The following GTF3C1 variants were observed in gnomAD, a reference collection of about 807,000 sequenced individuals.
The protein encoded by GTF3C1 is general transcription factor 3C polypeptide 1.
GTF3C1 carries 57 observed loss-of-function variants against 226.7 expected under a neutral mutation model. The observed-to-expected ratio is 0.25, with a 90% CI of 0.20 to 0.31. The LOEUF (loss-of-function observed/expected upper bound fraction) is 0.31. Ranked by LOEUF, GTF3C1 falls within the 10% of genes least tolerant of loss-of-function variation. The pLI, the probability that GTF3C1 is intolerant of heterozygous loss-of-function variation, is 1.00. For synonymous variants in GTF3C1, 1,090 were observed against 1,084.8 expected, an observed-to-expected ratio of 1.00 and a Z score of -0.09; for missense variants, 2,217 against 2,776.1, an observed-to-expected ratio of 0.80 and a Z score of 4.53.
chr16:27,488,691 G>A (rs375332345), intron 21 of GTF3C1, 56 bp from the exon 22 acceptor site: 230 of 1,415,140 alleles, frequency 1.6e-4, no homozygotes, highest in Non-Finnish European at 2.0e-4. Context: ...ATCCCCAGCC[G>A]CCCAGAGTAA....
chr16:27,514,899 G>A (rs1038451297), intron 6 of GTF3C1, among the ~76,000 whole-genome samples: 1 of 152,198 alleles, frequency 6.6e-6, no homozygotes, highest in Non-Finnish European at 1.5e-5. Flanking sequence ...GAAGAGCGGC[G>A]CGGCGCCAGG....
chr16:27,492,276 C>T lies in GTF3C1; in HGVS notation c.3151+62G>A, dbSNP rs1018427780. 3.2e-5 allele frequency: 31 copies of T among 978,124 alleles called. 1 individual carries two copies. Among genetic ancestry groups the T allele is most frequent in the Non-Finnish European group, 4.9e-5 (31 of 635,052 alleles). The allele number at this position is 978,124 out of a possible 1,614,324, so 60.6% of individuals were successfully genotyped here. ...CTCCTAGGCTTTTCTAGCCCTAAAT[C>T]CCAGTTAGCACACAGAAAGGAGCAA... On this transcript the variant is annotated intron_variant, in intron 19 of 36. Coordinates refer to ENST00000356183, the MANE Select transcript of GTF3C1 (RefSeq NM_001520.4). This position sits in a 1 kb window ranked among gnomAD's most constrained non-coding sequence, Gnocchi z 5.0.
In GTF3C1 at chr16:27,516,702, C is replaced by T. The variant is rs536698247; in HGVS notation, c.974-4801G>A. Among the ~76,000 whole-genome samples the T allele has an allele frequency of 3.3e-5, 5 of 152,326 alleles. No individual in the cohort carries two copies. In the South Asian group the frequency reaches 1.0e-3, roughly 32 times the overall value. ...TGTCGTCCAGCCTGGAGTGTAGCAG[C>T]ACAATCACTGCAGCCTCGAACTCCA... On this transcript the variant is annotated intron_variant, in intron 6 of 36. Coordinates refer to ENST00000356183, the MANE Select transcript of GTF3C1 (RefSeq NM_001520.4).
chr16:27,507,139 T>G lies in GTF3C1; in HGVS notation c.1260A>C (p.Glu420Asp), dbSNP rs760846112. Residue 420 changes from glutamate to aspartate, a missense_variant, in exon 9 of 37, where the codon GAA becomes GAC. Glu to Asp is a conservative substitution (Grantham distance 45, BLOSUM62 2). Coordinates refer to ENST00000356183, the MANE Select transcript of GTF3C1 (RefSeq NM_001520.4). This position sits in a 1 kb window ranked among gnomAD's most constrained non-coding sequence, Gnocchi z 4.9. ...TGTACTTGGTGGTTCGCTGCCGACC[T>G]TCGTCTTCCATGAATCCCTAGAGGG... ...FKVVKGFMED[E>D]GRQRTTKYIS... is the part of the protein sequence containing the mutation. 1.9e-6 allele frequency: 3 copies of G among 1,606,824 alleles called. No individual in the cohort carries two copies. Among genetic ancestry groups the G allele is most frequent in the Non-Finnish European group, 2.6e-6 (3 of 1,175,434 alleles).
At position 27,469,407 on chromosome 16, in the gene GTF3C1, G is replaced by C; in HGVS notation, c.4958C>G (p.Ser1653Cys). The change falls in exon 32 of 37, where the codon TCC becomes TGC. Residue 1653 changes from serine to cysteine, a missense_variant. Transcript: ENST00000356183. The surrounding 1 kb of genome is among the most constrained non-coding windows in gnomAD (Gnocchi z 4.5). ...TNYLLMRGYYSPGIVSTRNLN... is the reference protein window; with the variant it reads ...TNYLLMRGYYCPGIVSTRNLN... ...GTTGCGGGTGCTGACGATGCCGGGG[G>C]AGTAGTAGCCCCTCATCAGCAGGTA... 6.2e-7 allele frequency: 1 copy of C among 1,614,034 alleles called. No individual in the cohort carries two copies. Among genetic ancestry groups the C allele is most frequent in the East Asian group, 2.2e-5 (1 of 44,890 alleles).
chr16:27,472,069 A>G, intron 29 of GTF3C1, 149 bp from the exon 30 acceptor site: 1 of 652,698 alleles, frequency 1.5e-6, no homozygotes, highest in South Asian at 1.8e-5. Context: ...TGTGTCAGTG[A>G]GTGTGTGTGT....
chr16:27,527,896 C>T (rs1032596435), intron 6 of GTF3C1, among the ~76,000 whole-genome samples: 3 of 151,766 alleles, frequency 2.0e-5, no homozygotes, highest in African/African-American at 4.8e-5. Flanking sequence ...ATCGTTTGAG[C>T]CCAGGAAGTG....
intron 29 of GTF3C1, among the ~76,000 whole-genome samples, chr16:27,474,255 C>T (rs1040272371): frequency 6.6e-6 from 1 of 152,176 alleles, no homozygotes; most frequent in Non-Finnish European, 1.5e-5. Context: ...AGGTGACTTT[C>T]CATGCCCCTG....
chr16:27,484,263 C>G lies in GTF3C1; in HGVS notation c.3949G>C (p.Gly1317Arg). The change falls in exon 25 of 37, where the codon GGA (glycine) becomes CGA (arginine). Residue 1317 changes from glycine to arginine, a missense_variant. Around this residue, in one of 12 missense-constraint regions of GTF3C1, gnomAD observed 546 missense variants for 663.0 expected, o/e 0.82. Transcript: ENST00000356183. ...TTGACTATGTAGCGAGCTCTTCGTC[C>G]AACGGAATGAGATGTTTTATCCAAA... ...ESLDKTSHSVGRRARYIVKNP... is the reference protein window; with the variant it reads ...ESLDKTSHSVRRRARYIVKNP... 1 of 1,608,162 alleles carries G rather than the reference C, an allele frequency of 6.2e-7. No homozygotes were observed. Among genetic ancestry groups the G allele is most frequent in the South Asian group, 1.1e-5 (1 of 90,942 alleles).
Position 27,549,623 on chromosome 16 carries a change from G to A in GTF3C1, c.221+47C>T, listed in dbSNP as rs1281968010. The A allele has an allele frequency of 1.8e-5, 15 of 838,128 alleles. No homozygotes were observed. The Admixed American group carries it at 3.3e-4, about 19-fold the overall frequency. The allele number at this position is 838,128 out of a possible 1,614,324, so 51.9% of individuals were successfully genotyped here. On this transcript the variant is annotated intron_variant, in intron 1 of 36. Coordinates refer to ENST00000356183, the MANE Select transcript of GTF3C1 (RefSeq NM_001520.4). ...CTGCCCCCAGCTCCATCAGCCCCCGGGCCCTGCGCCCGCCCGCCCGCCCGC... is the reference window on the plus strand; with the variant it reads ...CTGCCCCCAGCTCCATCAGCCCCCGAGCCCTGCGCCCGCCCGCCCGCCCGC...
At position 27,470,439 on chromosome 16, in the gene GTF3C1, T is replaced by C. The variant is rs1164746546; in HGVS notation, c.4527-44A>G. The stretch of plus-strand genomic sequence containing the variant: ...GAAGGGCCTGACTGAGGGCCAGCTG[T>C]GGGAAGCCTTCATTTGGATGGACTA... On this transcript the variant is annotated intron_variant, in intron 30 of 36. Coordinates refer to ENST00000356183, the MANE Select transcript of GTF3C1 (RefSeq NM_001520.4). This position sits in a 1 kb window ranked among gnomAD's most constrained non-coding sequence, Gnocchi z 4.9. 7.2e-6 allele frequency: 11 copies of C among 1,525,856 alleles called. No individual in the cohort carries two copies. The highest frequency in any genetic ancestry group is 9.9e-6 in the Non-Finnish European group (11 of 1,110,896). 94.5% of individuals were successfully genotyped at this position (1,525,856 alleles called of 1,614,324 possible).
intron 6 of GTF3C1, among the ~76,000 whole-genome samples, chr16:27,521,962 A>G (rs911528407): frequency 6.6e-6 from 1 of 151,884 alleles, no homozygotes; most frequent in Admixed American, 6.6e-5. Flanking sequence ...ATCATTCTTC[A>G]TATGGTTCAT....
intron 2 of GTF3C1, among the ~76,000 whole-genome samples, chr16:27,538,672 C>T (rs1384786682): frequency 3.3e-5 from 5 of 152,212 alleles, no homozygotes; most frequent in Non-Finnish European, 7.3e-5. Context: ...AAGCTCTCCA[C>T]GGCCCATCCC....
chr16:27,531,660 C>G (rs1228400347), intron 5 of GTF3C1, among the ~76,000 whole-genome samples: 1 of 152,196 alleles, frequency 6.6e-6, no homozygotes, highest in Non-Finnish European at 1.5e-5. Flanking sequence ...AAAGGCTGTC[C>G]AGTAACAGTC....
At chr16:27,509,354 C>T (rs1422015359) in intron 7 of GTF3C1, among the ~76,000 whole-genome samples, 1 of 152,136 alleles carries the variant, frequency 6.6e-6, no homozygotes, top group East Asian at 1.9e-4. Context: ...GAACTAAGAA[C>T]TCCAGGAAGG....
chr16:27,470,738 T>C lies in GTF3C1; in HGVS notation c.4527-343A>G. Reference sequence around the variant, plus strand: ...AACTAGGGATGGTGAACACGCTTTCTGTAATAATAGTCTCCGCACAAAGCC... The same window carrying C: ...AACTAGGGATGGTGAACACGCTTTCCGTAATAATAGTCTCCGCACAAAGCC... On this transcript the variant is annotated intron_variant, in intron 30 of 36. Coordinates refer to ENST00000356183, the MANE Select transcript of GTF3C1 (RefSeq NM_001520.4). This position sits in a 1 kb window ranked among gnomAD's most constrained non-coding sequence, Gnocchi z 4.9. The C allele has an allele frequency of 3.3e-6, 1 of 299,162 alleles. No individual in the cohort carries two copies. Among genetic ancestry groups the C allele is most frequent in the Non-Finnish European group, 6.3e-6 (1 of 157,904 alleles). The allele number at this position is 299,162 out of a possible 1,614,324, so 18.5% of individuals were successfully genotyped here.
rs2087760169 is a variant in GTF3C1, at chr16:27,464,811, A to G, written c.5381T>C (p.Leu1794Pro). 6.6e-7 allele frequency: 1 copy of G among 1,520,724 alleles called. No individual in the cohort carries two copies. Among genetic ancestry groups the G allele is most frequent in the Admixed American group, 2.1e-5 (1 of 46,532 alleles). 94.2% of individuals were successfully genotyped at this position (1,520,724 alleles called of 1,614,324 possible). Residue 1794 changes from leucine to proline, a missense_variant, in exon 34 of 37, where the codon CTG (leucine) becomes CCG (proline). This residue lies in a region of GTF3C1 where 455 missense variants were observed against 441.9 expected (regional missense o/e 1.03). Transcript: ENST00000356183. ...IQALLEQHQV[L>P]EVGGNTARLV... ...GCGCGCAGTGTTGCCACCGACCTCC[A>G]GCACCTGATGCTGCTCCAGGAGGGC...
rs1017942266 is a variant in GTF3C1 at position 27,492,004 on chromosome 16, G to A, written c.3151+334C>T. Reference sequence around the variant, plus strand: ...CTTCACACTAGATTTTGAGTCTCACGAAGGCAGGGCGGGCTGTGTTCTCAT... The same window carrying A: ...CTTCACACTAGATTTTGAGTCTCACAAAGGCAGGGCGGGCTGTGTTCTCAT... On this transcript the variant is annotated intron_variant, in intron 19 of 36. Coordinates refer to ENST00000356183, the MANE Select transcript of GTF3C1 (RefSeq NM_001520.4). The surrounding 1 kb of genome is among the most constrained non-coding windows in gnomAD (Gnocchi z 5.0). Among the ~76,000 whole-genome samples, 12 of 152,302 alleles carry A rather than the reference G, an allele frequency of 7.9e-5. No homozygotes were observed. The highest frequency in any genetic ancestry group is 2.4e-4 in the African/African-American group (10 of 41,568).
In GTF3C1 at chr16:27,470,103, C is replaced by T; in HGVS notation, c.4814+5G>A. The T allele has an allele frequency of 2.5e-6, 4 of 1,611,242 alleles. No individual in the cohort carries two copies. Among genetic ancestry groups the T allele is most frequent in the Non-Finnish European group, 8.5e-7 (1 of 1,177,940 alleles). On this transcript the variant is annotated splice_donor_5th_base_variant and intron_variant, in intron 31 of 36. Transcript: ENST00000356183. The surrounding 1 kb of genome is among the most constrained non-coding windows in gnomAD (Gnocchi z 4.9). ...GACCTGATGCTGCGGATGCCGGACT[C>T]TTACCTTTTGATGACCTCATTCTCC...
Sources: allele counts gnomAD v4.1 joint callset (sites outside exome capture counted in the v4.1 genomes callset), GRCh38; gene constraint gnomAD v4.1.1; regional missense constraint gnomAD v4.1.1; non-coding constraint Gnocchi (gnomAD v3.1); transcripts MANE v1.5; gene names NCBI Gene and HGNC (gene_info 2026-07-23, HGNC 2026-07-21).